The following SGF29 variants were observed in gnomAD, a reference collection of about 807,000 sequenced individuals.
The protein encoded by SGF29 is SAGA complex associated factor 29, also known as SAGA-associated factor 29.
SGF29 carries 15 observed loss-of-function variants against 38.1 expected under a neutral mutation model. The ratio of observed to expected loss-of-function variants is 0.39; its 90% CI spans 0.26 to 0.61. The LOEUF (loss-of-function observed/expected upper bound fraction) is 0.61. SGF29 is among the 20% of genes least tolerant of loss of function. The pLI is 0.49. For synonymous variants in SGF29, 151 were observed against 160.8 expected (o/e 0.94, Z 0.46); for missense variants, 184 against 394.6 (o/e 0.47, Z 4.52).
At chr16:28,589,699 G>GT (rs1280269310) in intron 5 of SGF29, among the ~76,000 whole-genome samples, 2 of 151,844 alleles carry the variant, frequency 1.3e-5, no homozygotes, top group Admixed American at 6.5e-5. Flanking sequence ...TTTTTTTTTG[G>GT]TTTTTTTAAC....
intron 1 of SGF29, among the ~76,000 whole-genome samples, chr16:28,577,983 A>G (rs1465605030): frequency 6.6e-6 from 1 of 152,044 alleles, no homozygotes; most frequent in Non-Finnish European, 1.5e-5. Context: ...TGCTTACAAC[A>G]TCTTGATTAC....
At position 28,591,726 on chromosome 16, in the gene SGF29, C is replaced by T; in HGVS notation, c.*20C>T. ...AAGTGATGCCGCCTGGCAGACTCGC[C>T]ATCCCCCAACGACACAGGGCAGGAC... is the stretch of plus-strand genomic sequence containing the variant. On this transcript the variant is annotated 3_prime_UTR_variant, in exon 10 of 10. Transcript: ENST00000317058. The T allele has an allele frequency of 6.4e-7, 1 of 1,563,240 alleles. No homozygotes were observed. Among genetic ancestry groups the T allele is most frequent in the Non-Finnish European group, 8.8e-7 (1 of 1,134,072 alleles).
intron 3 of SGF29, 74 bp from the exon 4 acceptor site, chr16:28,585,574 C>T (rs2046951844): frequency 1.2e-5 from 16 of 1,296,830 alleles, no homozygotes; most frequent in South Asian, 8.3e-5. Flanking sequence ...AGTGTGATTC[C>T]GGTGCATGGA....
chr16:28,572,499 C>A (rs2046870884), intron 1 of SGF29, among the ~76,000 whole-genome samples: 1 of 150,920 alleles, frequency 6.6e-6, no homozygotes, highest in Non-Finnish European at 1.5e-5. Flanking sequence ...AAACTCCTGA[C>A]CTCAGGTAAT....
rs2046952928 is a variant in SGF29 at position 28,585,723 on chromosome 16, G to A, written c.224+3G>A. 6.2e-7 allele frequency: 1 copy of A among 1,613,686 alleles called. No individual in the cohort carries two copies. Among genetic ancestry groups the A allele is most frequent in the Non-Finnish European group, 8.5e-7 (1 of 1,179,516 alleles). On this transcript the variant is annotated splice_donor_region_variant and intron_variant, in intron 4 of 9. Coordinates refer to ENST00000317058, the MANE Select transcript of SGF29 (RefSeq NM_138414.3). ...GCCGATGCAGAGGCTGAGTGCAAGT[G>A]AGTACCGTGCACCCACTTCATCGCC...
At chr16:28,589,215 G>C in intron 5 of SGF29, 51 bp downstream of exon 5, 3 of 1,596,704 alleles carry the variant, frequency 1.9e-6, no homozygotes, top group Non-Finnish European at 2.6e-6. Context: ...CAAGAGGAGA[G>C]GCCCTGCGGG....
intron 9 of SGF29, 55 bp from the exon 10 acceptor site, chr16:28,591,535 G>A: frequency 8.1e-7 from 1 of 1,233,942 alleles, no homozygotes; most frequent in Non-Finnish European, 1.2e-6. Context: ...GGAAGGGGGT[G>A]CCTGTCCTGG....
At chr16:28,565,247 C>T (rs1292888892) in intron 1 of SGF29, among the ~76,000 whole-genome samples, 1 of 152,184 alleles carries the variant, frequency 6.6e-6, no homozygotes, top group Non-Finnish European at 1.5e-5. Flanking sequence ...ATGTCAGCCT[C>T]TTCTGGCAAC....
rs1202271323 is a variant in SGF29, at chr16:28,590,922, C to T, written c.752C>T (p.Ala251Val). The T allele has an allele frequency of 1.3e-5, 21 of 1,609,700 alleles. No homozygotes were observed. Among genetic ancestry groups the T allele is most frequent in the Middle Eastern group, 1.7e-4 (1 of 5,916 alleles). Reference sequence around the variant, plus strand: ...TGCTTCTACCGCGCCCTGATCCATGCGCCCCCACAGCGGGTAAAGCAGCCT... The same window carrying T: ...TGCTTCTACCGCGCCCTGATCCATGTGCCCCCACAGCGGGTAAAGCAGCCT... ...TTCFYRALIH[A>V]PPQRPQDDYS... The change falls in exon 9 of 10, where the codon GCG becomes GTG. Residue 251 changes from alanine to valine, a missense_variant. Coordinates refer to ENST00000317058, the MANE Select transcript of SGF29 (RefSeq NM_138414.3). This position sits in a 1 kb window ranked among gnomAD's most constrained non-coding sequence, Gnocchi z 8.2.
At chr16:28,564,554 T>TATATATATACGC (rs1596597419) in intron 1 of SGF29, among the ~76,000 whole-genome samples, 2 of 67,824 alleles carry the variant, frequency 2.9e-5, no homozygotes, top group East Asian at 9.5e-4. Context: ...TATATACGTA[T>TATATATATACGC]ATATATATAT....
intron 1 of SGF29, among the ~76,000 whole-genome samples, chr16:28,575,490 G>T (rs1567289487): frequency 6.6e-6 from 1 of 152,134 alleles, no homozygotes; most frequent in Non-Finnish European, 1.5e-5. Context: ...AGACCAGCCT[G>T]GTCAACATGG....
chr16:28,582,355 G>A (rs2046931149), intron 2 of SGF29, among the ~76,000 whole-genome samples: 1 of 149,872 alleles, frequency 6.7e-6, no homozygotes, highest in Admixed American at 6.7e-5. Context: ...TTAGGGGGTG[G>A]AACTCTTCTG....
At chr16:28,572,622 T>G (rs898497972) in intron 1 of SGF29, among the ~76,000 whole-genome samples, 2 of 152,158 alleles carry the variant, frequency 1.3e-5, no homozygotes, top group African/African-American at 4.8e-5. Flanking sequence ...CTAGGAAGAA[T>G]CAAGCAAGAG....
At chr16:28,564,756 T>TATATATATACATATATAC (rs1567286174) in intron 1 of SGF29, among the ~76,000 whole-genome samples, 1 of 76,138 alleles carries the variant, frequency 1.3e-5, no homozygotes, top group Non-Finnish European at 2.5e-5. Flanking sequence ...TATATATATG[T>TATATATATACATATATAC]ATATATGTAT....
intron 2 of SGF29, among the ~76,000 whole-genome samples, chr16:28,584,585 C>G (rs540096263): frequency 6.6e-6 from 1 of 152,046 alleles, no homozygotes; most frequent in African/African-American, 2.4e-5. Flanking sequence ...GTCAGGAGAT[C>G]GAGACCATCC....
At chr16:28,564,685 G>GTATATATATGTATATA (rs1434333961) in intron 1 of SGF29, among the ~76,000 whole-genome samples, 11 of 71,190 alleles carry the variant, frequency 1.5e-4, no homozygotes, top group Admixed American at 7.5e-4. Flanking sequence ...GTATATATAT[G>GTATATATATGTATATA]TGTATATATA....
At chr16:28,582,853 T>A (rs1297334279) in intron 2 of SGF29, among the ~76,000 whole-genome samples, 1 of 152,146 alleles carries the variant, frequency 6.6e-6, no homozygotes, top group Admixed American at 6.5e-5. Context: ...GAGAATCGCT[T>A]GAACCTGGGA....
chr16:28,589,286 C>A, intron 5 of SGF29, 122 bp downstream of exon 5: 2 of 930,744 alleles, frequency 2.1e-6, no homozygotes, highest in Non-Finnish European at 1.7e-6. Flanking sequence ...CCCATGGAGG[C>A]TCTGGCAGAC....
rs763312729 is a variant in SGF29 at position 28,589,172 on chromosome 16, G to T, written c.289+8G>T. 6 of 1,614,048 alleles carry T rather than the reference G, an allele frequency of 3.7e-6. No homozygotes were observed. The highest frequency in any genetic ancestry group is 5.1e-6 in the Non-Finnish European group (6 of 1,179,882). ...TGGAAGAGAGGCGGATTGGTGAGTGGGAGAGAACATGCTGGGAGGTCCTTT... is the reference window on the plus strand; with the variant it reads ...TGGAAGAGAGGCGGATTGGTGAGTGTGAGAGAACATGCTGGGAGGTCCTTT... On this transcript the variant is annotated splice_region_variant and intron_variant, in intron 5 of 9. Coordinates refer to ENST00000317058, the MANE Select transcript of SGF29 (RefSeq NM_138414.3).
Sources: allele counts gnomAD v4.1 joint callset (sites outside exome capture counted in the v4.1 genomes callset), GRCh38; gene constraint gnomAD v4.1.1; non-coding constraint Gnocchi (gnomAD v3.1); transcripts MANE v1.5; gene names NCBI Gene and HGNC (gene_info 2026-07-23, HGNC 2026-07-21).